The following CDH12 variants were observed in gnomAD, a reference collection of about 807,000 sequenced individuals.
CDH12 encodes the protein cadherin-12.
In CDH12, 41 loss-of-function variants were observed where a neutral mutation model predicts 74.1. The ratio of observed to expected loss-of-function variants is 0.55; its 90% confidence interval spans 0.43 to 0.72. The LOEUF (loss-of-function observed/expected upper bound fraction) is 0.72, where lower values mean the gene tolerates loss of function less well. Among genes scored for constraint, CDH12 ranks in the 30% least tolerant of loss-of-function variants. CDH12 has a pLI of 0.00. For missense variants in CDH12, 945 were observed against 977.2 expected (o/e 0.97, Z 0.44); for synonymous variants, 399 against 355.0 (o/e 1.12, Z -1.39).
At chr5:22,271,546 C>T (rs974184063) in intron 3 of CDH12, among the ~76,000 whole-genome samples, 4 of 152,116 alleles carry the variant, frequency 2.6e-5, no homozygotes, top group Non-Finnish European at 5.9e-5. Context: ...AAATCTTTTG[C>T]ACAAGTTTTT....
At chr5:22,614,543 T>A (rs961866666) in intron 1 of CDH12, among the ~76,000 whole-genome samples, 1 of 151,956 alleles carries the variant, frequency 6.6e-6, no homozygotes, top group Non-Finnish European at 1.5e-5. Flanking sequence ...GGAAACACAA[T>A]TGGAAAAAGA....
chr5:21,881,325 A>G (rs1178806473), intron 6 of CDH12, among the ~76,000 whole-genome samples: 1 of 152,214 alleles, frequency 6.6e-6, no homozygotes, highest in African/African-American at 2.4e-5. Flanking sequence ...ATGCATTCTT[A>G]TATTTAATGC....
Position 22,690,028 on chromosome 5 carries a change from G to A in CDH12, c.-523+163030C>T, listed in dbSNP as rs573544976. Among the ~76,000 whole-genome samples the A allele has an allele frequency of 3.3e-5, 5 of 152,218 alleles. No individual in the cohort carries two copies. The South Asian group carries it at 1.0e-3, about 32-fold the overall frequency. ...AAGATAGTTAGATTTAGACGGCTATGAGAAAGGAGGAATTACTTTTCTGAA... is the reference window on the plus strand; with the variant it reads ...AAGATAGTTAGATTTAGACGGCTATAAGAAAGGAGGAATTACTTTTCTGAA... On this transcript the variant is annotated intron_variant, in intron 1 of 14. Transcript: ENST00000382254.
intron 6 of CDH12, among the ~76,000 whole-genome samples, chr5:21,932,056 C>T (rs1754864885): frequency 3.9e-5 from 6 of 152,222 alleles, no homozygotes; most frequent in Admixed American, 3.9e-4. Context: ...TTATCTGTCA[C>T]CAATGTTAAG....
intron 9 of CDH12, among the ~76,000 whole-genome samples, chr5:21,813,966 AGT>A (rs1230072988): frequency 6.6e-6 from 1 of 152,118 alleles, no homozygotes; most frequent in Non-Finnish European, 1.5e-5. Flanking sequence ...GAGTGCAGGC[AGT>A]GTGTTTGTTG....
Position 21,988,491 on chromosome 5 carries a change from C to CAAAAAAA in CDH12, c.232-13113_232-13107dup, listed in dbSNP as rs1157872208. ...TGGGCGACAGAGCGAGACTCCGTCT[C>CAAAAAAA]AAAAAAAAAAAAAAAAAAAAAAAAA... On this transcript the variant is annotated intron_variant, in intron 5 of 14. Transcript: ENST00000382254. 7.0e-3 allele frequency among the ~76,000 whole-genome samples: 207 copies of CAAAAAAA among 29,496 alleles called. 20 individuals carry two copies. Among genetic ancestry groups the CAAAAAAA allele is most frequent in the Admixed American group, 9.3e-3 (15 of 1,618 alleles). 19.4% of individuals were successfully genotyped at this position (29,496 alleles called of 152,430 possible).
At chr5:22,029,683 A>T (rs1738671525) in intron 5 of CDH12, among the ~76,000 whole-genome samples, 1 of 152,202 alleles carries the variant, frequency 6.6e-6, no homozygotes, top group Non-Finnish European at 1.5e-5. Context: ...AACTAGATCA[A>T]CCATTGTGGA....
intron 6 of CDH12, among the ~76,000 whole-genome samples, chr5:21,923,960 C>T (rs574036207): frequency 6.6e-6 from 1 of 152,124 alleles, no homozygotes; most frequent in Non-Finnish European, 1.5e-5. Flanking sequence ...TGGATGCATA[C>T]TGTCTTCATA....
intron 1 of CDH12, among the ~76,000 whole-genome samples, chr5:22,698,098 C>T (rs1486644037): frequency 6.9e-6 from 1 of 144,648 alleles, no homozygotes; most frequent in African/African-American, 2.6e-5. Flanking sequence ...GTTACATTCC[C>T]TTAATGCCCG....
intron 11 of CDH12, among the ~76,000 whole-genome samples, chr5:21,767,204 G>A (rs1186438426): frequency 6.6e-6 from 1 of 151,748 alleles, no homozygotes; most frequent in Non-Finnish European, 1.5e-5. Flanking sequence ...ACATGAAAAT[G>A]AGAATGTCTT....
chr5:22,379,772 T>C (rs1176571976), intron 3 of CDH12, among the ~76,000 whole-genome samples: 1 of 152,112 alleles, frequency 6.6e-6, no homozygotes, highest in African/African-American at 2.4e-5. Flanking sequence ...GTTTATTTAT[T>C]TGAGATTGAG....
intron 1 of CDH12, among the ~76,000 whole-genome samples, chr5:22,510,664 T>C (rs769954054): frequency 1.3e-5 from 2 of 152,290 alleles, no homozygotes; most frequent in African/African-American, 4.8e-5. Context: ...CTTTAAATCA[T>C]CTCTAGATTA....
intron 6 of CDH12, among the ~76,000 whole-genome samples, chr5:21,871,663 G>T (rs1316125204): frequency 6.6e-6 from 1 of 152,140 alleles, no homozygotes; most frequent in East Asian, 1.9e-4. Context: ...GGAGGCGTAG[G>T]TTGCAATGAG....
intron 6 of CDH12, among the ~76,000 whole-genome samples, chr5:21,927,683 G>A (rs541394722): frequency 1.3e-5 from 2 of 152,110 alleles, no homozygotes; most frequent in African/African-American, 4.8e-5. Flanking sequence ...ATTAGAATCT[G>A]ATTACTAGAG....
At chr5:22,269,032 A>T (rs976100137) in intron 3 of CDH12, among the ~76,000 whole-genome samples, 18 of 152,210 alleles carry the variant, frequency 1.2e-4, no homozygotes, top group Admixed American at 9.8e-4. Flanking sequence ...AACCTGGACA[A>T]ATTTGCTCAT....
intron 11 of CDH12, chr5:21,779,263 A>G (rs1235720674): frequency 6.6e-6 from 1 of 151,742 alleles, no homozygotes; most frequent in Non-Finnish European, 1.5e-5. Context: ...GACAGGTCTC[A>G]GTATGTTGCT....
intron 5 of CDH12, among the ~76,000 whole-genome samples, chr5:22,024,089 A>C (rs1738179222): frequency 6.6e-6 from 1 of 152,184 alleles, no homozygotes; most frequent in Admixed American, 6.6e-5. Flanking sequence ...TGAGGTGAGG[A>C]AAATGTATTA....
chr5:21,917,110 G>A (rs1030019571), intron 6 of CDH12, among the ~76,000 whole-genome samples: 78 of 152,224 alleles, frequency 5.1e-4, no homozygotes, highest in African/African-American at 1.9e-3. Flanking sequence ...TTCAGGTGTG[G>A]TTTAAGTACT....
chr5:22,467,220 G>A (rs925678168), intron 2 of CDH12, among the ~76,000 whole-genome samples: 3 of 152,046 alleles, frequency 2.0e-5, no homozygotes, highest in African/African-American at 4.8e-5. Flanking sequence ...TTGACAGCCC[G>A]TGAGCATGAA....
Sources: allele counts gnomAD v4.1 joint callset (sites outside exome capture counted in the v4.1 genomes callset), GRCh38; gene constraint gnomAD v4.1.1; transcripts MANE v1.5; gene names NCBI Gene and HGNC (gene_info 2026-07-23, HGNC 2026-07-21).